Variants in EIF2AK3 observed in about 807,000 individuals in gnomAD.
EIF2AK3 encodes eukaryotic translation initiation factor 2-alpha kinase 3.
In EIF2AK3, 50 loss-of-function variants were observed where a neutral mutation model predicts 113.5. The observed-to-expected ratio is 0.44, with a 90% CI of 0.35 to 0.56. The LOEUF is 0.56. EIF2AK3 is among the 20% of genes least tolerant of loss of function. EIF2AK3 has a pLI of 0.00. For missense variants in EIF2AK3, 1,185 were observed against 1,378.0 expected (o/e 0.86, Z 2.22); for synonymous variants, 448 against 495.4 (o/e 0.90, Z 1.27).
intron 1 of EIF2AK3, among the ~76,000 whole-genome samples, chr2:88,618,033 A>ATTT (rs1675630609): frequency 6.6e-6 from 1 of 152,118 alleles, no homozygotes; most frequent in African/African-American, 2.4e-5. Context: ...TACTTTAAAA[A>ATTT]TTAGCCGGGT....
Position 88,565,335 on chromosome 2 carries a change from C to CA in EIF2AK3, c.2986-2946dup, listed in dbSNP as rs1360692949. 2.8e-5 allele frequency among the ~76,000 whole-genome samples: 4 copies of CA among 143,248 alleles called. No homozygotes were observed. The East Asian group carries it at 8.3e-4, about 30-fold the overall frequency. 94.0% of individuals were successfully genotyped at this position (143,248 alleles called of 152,430 possible). A position where few individuals can be genotyped will look rare whatever the true frequency, so the allele number is the denominator to read the frequency against. ...ACAGGTGTCAGCCACCATGCCTGGC[C>CA]AAAAAAACTTTTTTTTTTTTTTTTT... On this transcript the variant is annotated intron_variant, in intron 14 of 16. Coordinates refer to ENST00000303236, the MANE Select transcript of EIF2AK3 (RefSeq NM_004836.7).
intron 11 of EIF2AK3, among the ~76,000 whole-genome samples, chr2:88,578,534 T>C (rs866293426): frequency 4.9e-4 from 75 of 152,050 alleles, no homozygotes; most frequent in African/African-American, 1.7e-3. Flanking sequence ...AATACAAAAT[T>C]AGCTGGGTGT....
chr2:88,566,272 T>C (rs1436242242), intron 14 of EIF2AK3, among the ~76,000 whole-genome samples: 1 of 152,234 alleles, frequency 6.6e-6, no homozygotes, highest in African/African-American at 2.4e-5. Context: ...GAAAACTTCC[T>C]ATAGATTTCA....
chr2:88,600,857 C>T (rs1470302182), intron 2 of EIF2AK3, among the ~76,000 whole-genome samples: 2 of 152,130 alleles, frequency 1.3e-5, no homozygotes, highest in African/African-American at 4.8e-5. Flanking sequence ...TTTGATTCTT[C>T]CCTATTTTTC....
chr2:88,627,265 C>A lies in EIF2AK3; in HGVS notation c.10G>T (p.Ala4Ser), dbSNP rs1675894930. MER[A>S]ISPGLLVRAL... ...CGTACCAGCAGCCCCGGGCTGATGG[C>A]GCGCTCCATCAGCGTCCCGCCCCGC... The change falls in exon 1 of 17, where the codon GCC becomes TCC. Residue 4 changes from alanine (A) to serine (S), a missense_variant. By Grantham distance (99) the Ala-to-Ser change is moderately conservative. This residue lies in a region of EIF2AK3 where 189 missense variants were observed against 175.2 expected (regional missense o/e 1.08). Coordinates refer to ENST00000303236, the MANE Select transcript of EIF2AK3 (RefSeq NM_004836.7). The A allele has an allele frequency of 1.3e-6, 2 of 1,486,370 alleles. No homozygotes were observed. The highest frequency in any genetic ancestry group is 1.5e-5 in the African/African-American group (1 of 68,784). The allele number at this position is 1,486,370 out of a possible 1,614,324, so 92.1% of individuals were successfully genotyped here.
In EIF2AK3 at chr2:88,627,420, C is replaced by T. The variant is rs988150081; in HGVS notation, c.-146G>A. 3 of 1,038,250 alleles carry T rather than the reference C, an allele frequency of 2.9e-6. No individual in the cohort carries two copies. Among genetic ancestry groups the T allele is most frequent in the South Asian group, 2.7e-5 (1 of 37,292 alleles). 64.3% of individuals were successfully genotyped at this position (1,038,250 alleles called of 1,614,324 possible). On this transcript the variant is annotated 5_prime_UTR_variant, in exon 1 of 17. Coordinates refer to ENST00000303236, the MANE Select transcript of EIF2AK3 (RefSeq NM_004836.7). Reference sequence around the variant, plus strand: ...GGACAGCCAGCCGTGTTCCCCTGGCCACGTCTCAGCCCGGCCTCTGCCGCT... The same window carrying T: ...GGACAGCCAGCCGTGTTCCCCTGGCTACGTCTCAGCCCGGCCTCTGCCGCT...
intron 2 of EIF2AK3, among the ~76,000 whole-genome samples, chr2:88,605,356 A>G (rs1306266352): frequency 1.3e-5 from 2 of 152,214 alleles, no homozygotes; most frequent in Non-Finnish European, 2.9e-5. Context: ...ATTCTAGAGA[A>G]TACCTGCTCC....
In EIF2AK3 at chr2:88,580,378, C is replaced by CT. The variant is rs537982273; in HGVS notation, c.1764-739dup. ...CCTTCCTCTTTGCATTTAATGAACC[C>CT]TATTCTTCTTTCATTCTGCTCATCT... On this transcript the variant is annotated intron_variant, in intron 10 of 16. Transcript: ENST00000303236. 2.7e-4 allele frequency among the ~76,000 whole-genome samples: 41 copies of CT among 152,300 alleles called. No homozygotes were observed. In the South Asian group the frequency reaches 7.4e-3, roughly 28 times the overall value.
intron 2 of EIF2AK3, among the ~76,000 whole-genome samples, chr2:88,601,834 C>CTTTTTTTTTTTTTTTTTTTTTTCT (rs59987968): frequency 1.3e-5 from 1 of 74,866 alleles, no homozygotes; most frequent in Non-Finnish European, 2.5e-5. Flanking sequence ...TAAGATTTTT[C>CTTTTTTTTTTTTTTTTTTTTTTCT]TTTTTTTTTT....
At chr2:88,559,069 T>A in intron 15 of EIF2AK3, 90 bp from the exon 16 acceptor site, 1 of 837,586 alleles carries the variant, frequency 1.2e-6, no homozygotes, top group Non-Finnish European at 1.9e-6. Context: ...GACTAAGAGG[T>A]TGTACATCTA....
At chr2:88,601,834 C>CTTTTTTT (rs59987968) in intron 2 of EIF2AK3, among the ~76,000 whole-genome samples, 5 of 74,840 alleles carry the variant, frequency 6.7e-5, no homozygotes, top group Admixed American at 1.7e-4. Context: ...TAAGATTTTT[C>CTTTTTTT]TTTTTTTTTT....
At chr2:88,579,690 G>A in intron 10 of EIF2AK3, 50 bp from the exon 11 acceptor site, 3 of 1,570,374 alleles carry the variant, frequency 1.9e-6, no homozygotes, top group Non-Finnish European at 2.6e-6. Context: ...TTTAAATTTT[G>A]TGGTAATGTG....
At chr2:88,558,144 G>A (rs1246363458) in intron 16 of EIF2AK3, among the ~76,000 whole-genome samples, 3 of 152,122 alleles carry the variant, frequency 2.0e-5, no homozygotes, top group African/African-American at 7.2e-5. Context: ...GCATGGCTGT[G>A]TTCCAATAGA....
chr2:88,591,730 T>C (rs911644562), intron 4 of EIF2AK3, among the ~76,000 whole-genome samples: 1 of 152,188 alleles, frequency 6.6e-6, no homozygotes, highest in Non-Finnish European at 1.5e-5. Flanking sequence ...CACTTAGATA[T>C]AAAATGGCAT....
At chr2:88,578,780 AAATCACAC>A (rs1674527150) in intron 11 of EIF2AK3, among the ~76,000 whole-genome samples, 1 of 152,192 alleles carries the variant, frequency 6.6e-6, no homozygotes, top group South Asian at 2.1e-4. Flanking sequence ...TCTGAGCCAG[AAATCACAC>A]TTCTAGGAAT....
At position 88,571,050 on chromosome 2, in the gene EIF2AK3, A is replaced by G; in HGVS notation, c.2818-9T>C. The G allele has an allele frequency of 6.2e-7, 1 of 1,614,178 alleles. No homozygotes were observed. Among genetic ancestry groups the G allele is most frequent in the Non-Finnish European group, 8.5e-7 (1 of 1,180,004 alleles). Reference sequence around the variant, plus strand: ...AAGAATATGTTGGATGGCTGGAAAGAATACAACAGACAAAAGTACAGTGGG... The same window carrying G: ...AAGAATATGTTGGATGGCTGGAAAGGATACAACAGACAAAAGTACAGTGGG... On this transcript the variant is annotated splice_polypyrimidine_tract_variant and intron_variant, in intron 13 of 16. Coordinates refer to ENST00000303236, the MANE Select transcript of EIF2AK3 (RefSeq NM_004836.7).
At chr2:88,582,365 A>G (rs1674621450) in intron 10 of EIF2AK3, among the ~76,000 whole-genome samples, 1 of 152,148 alleles carries the variant, frequency 6.6e-6, no homozygotes, top group South Asian at 2.1e-4. Context: ...GGAAAACTAC[A>G]ACAATCCAAT....
intron 14 of EIF2AK3, among the ~76,000 whole-genome samples, chr2:88,565,333 G>A (rs1156603008): frequency 1.4e-5 from 2 of 146,102 alleles, no homozygotes; most frequent in Non-Finnish European, 3.0e-5. Context: ...ACCATGCCTG[G>A]CCAAAAAAAC....
intron 2 of EIF2AK3, among the ~76,000 whole-genome samples, chr2:88,607,285 A>G (rs2104460416): frequency 6.6e-6 from 1 of 152,332 alleles, no homozygotes; most frequent in African/African-American, 2.4e-5. Context: ...GCTTTTATCA[A>G]GGTTGAATCT....
Sources: allele counts gnomAD v4.1 joint callset (sites outside exome capture counted in the v4.1 genomes callset), GRCh38; gene constraint gnomAD v4.1.1; regional missense constraint gnomAD v4.1.1; transcripts MANE v1.5; gene names NCBI Gene and HGNC (gene_info 2026-07-23, HGNC 2026-07-21).